NREP: variants seen among roughly 807,000 people sequenced by gnomAD.
NREP encodes the protein neuronal regeneration related protein, also known as neuronal regeneration-related protein.
Under a neutral mutation model 8.6 loss-of-function variants are expected in NREP, and 5 were observed. The observed-to-expected ratio is 0.58, with a 90% CI of 0.30 to 1.22. The LOEUF (loss-of-function observed/expected upper bound fraction) is 1.22. Among genes scored for constraint, NREP ranks in the 50% most tolerant of loss-of-function variants. NREP has a pLI of 0.07. For missense variants in NREP, 86 were observed against 82.5 expected, an observed-to-expected ratio of 1.04 and a Z score of -0.17; for synonymous variants, 27 against 28.0, an observed-to-expected ratio of 0.96 and a Z score of 0.11.
At chr5:111,752,384 G>A (rs1750417841) in intron 2 of NREP, among the ~76,000 whole-genome samples, 1 of 152,038 alleles carries the variant, frequency 6.6e-6, no homozygotes, top group African/African-American at 2.4e-5. Flanking sequence ...GGAAACTGTG[G>A]TGAAAAAGAC....
intron 2 of NREP, among the ~76,000 whole-genome samples, chr5:111,886,191 C>G (rs994341205): frequency 6.6e-6 from 1 of 152,184 alleles, no homozygotes; most frequent in African/African-American, 2.4e-5. Context: ...CAAAAGAAGA[C>G]ATTTATGCAG....
chr5:111,905,390 T>C (rs954941491), intron 2 of NREP, among the ~76,000 whole-genome samples: 3 of 152,154 alleles, frequency 2.0e-5, no homozygotes, highest in Middle Eastern at 3.2e-3. Flanking sequence ...CATCACCATT[T>C]TGGATTTTTT....
chr5:111,803,675 T>G (rs376330716), intron 2 of NREP, among the ~76,000 whole-genome samples: 2 of 152,222 alleles, frequency 1.3e-5, no homozygotes, highest in Non-Finnish European at 2.9e-5. Context: ...ATATTTAGCA[T>G]AATTGATAGT....
intron 2 of NREP, among the ~76,000 whole-genome samples, chr5:111,794,940 A>G (rs1213414975): frequency 6.6e-6 from 1 of 150,644 alleles, no homozygotes; most frequent in Non-Finnish European, 1.5e-5. Flanking sequence ...GTCAGGGGAT[A>G]TGTGAAAAAT....
At chr5:111,911,461 A>C (rs1754910067) in intron 2 of NREP, among the ~76,000 whole-genome samples, 1 of 152,064 alleles carries the variant, frequency 6.6e-6, no homozygotes, top group Non-Finnish European at 1.5e-5. Flanking sequence ...TATTATCTCT[A>C]CTTCCAATGC....
At chr5:111,967,077 A>C (rs79481793) in intron 2 of NREP, among the ~76,000 whole-genome samples, 329 of 152,284 alleles carry the variant, frequency 2.2e-3, no homozygotes, top group African/African-American at 7.4e-3. Flanking sequence ...TTTGTCATCT[A>C]TTGGGTAGAG....
chr5:111,759,411 TTCTTTCTTTC>T (rs1317266134), upstream of NREP, among the ~76,000 whole-genome samples: 2 of 143,468 alleles, frequency 1.4e-5, no homozygotes, highest in East Asian at 5.1e-4. Context: ...TTTTCTTTCT[TTCTTTCTTTC>T]TTTTTTTTTT....
In NREP at chr5:111,898,344, T is replaced by C. The variant is rs373752061; in HGVS notation, c.135+76930A>G. ...AAAGACTCTGACTATAATTTAGAGA[T>C]AGAGACGAGATTTTCTTACGTATTG... On this transcript the variant is annotated intron_variant, in intron 2 of 3. Coordinates refer to the NREP transcript ENST00000395634. 9.0e-4 allele frequency among the ~76,000 whole-genome samples: 137 copies of C among 152,274 alleles called. 3 individuals are homozygous for C. In the South Asian group the frequency reaches 0.028, roughly 31 times the overall value.
intron 2 of NREP, among the ~76,000 whole-genome samples, chr5:111,871,612 A>G (rs1187922145): frequency 1.3e-5 from 2 of 151,950 alleles, no homozygotes; most frequent in Non-Finnish European, 2.9e-5. Flanking sequence ...ACACAAACAC[A>G]TTTTACAGTT....
At chr5:111,769,829 C>T (rs1751176061) in intron 2 of NREP, among the ~76,000 whole-genome samples, 1 of 152,122 alleles carries the variant, frequency 6.6e-6, no homozygotes, top group Admixed American at 6.6e-5. Context: ...AGGGGGAAAC[C>T]TACTTCCATG....
At chr5:111,878,429 A>G (rs2112508687) in intron 2 of NREP, among the ~76,000 whole-genome samples, 1 of 152,232 alleles carries the variant, frequency 6.6e-6, no homozygotes, top group Admixed American at 6.5e-5. Context: ...TAAAACCATC[A>G]TACCTCATGA....
At chr5:111,916,540 G>A (rs145501387) in intron 2 of NREP, among the ~76,000 whole-genome samples, 13 of 152,120 alleles carry the variant, frequency 8.5e-5, no homozygotes, top group Admixed American at 3.3e-4. Flanking sequence ...GATTGTATCC[G>A]ACTGTTTAAA....
chr5:111,777,048 AGGAG>A (rs1751381431), intron 2 of NREP, among the ~76,000 whole-genome samples: 1 of 151,674 alleles, frequency 6.6e-6, no homozygotes, highest in Admixed American at 6.6e-5. Context: ...GAGGAGGAGG[AGGAG>A]GAAGAAGAGG....
At chr5:111,876,879 G>A (rs1363865178) in intron 2 of NREP, among the ~76,000 whole-genome samples, 3 of 152,100 alleles carry the variant, frequency 2.0e-5, no homozygotes, top group Admixed American at 2.0e-4. Context: ...AGAAATTGGG[G>A]CACAGAAAAG....
intron 2 of NREP, among the ~76,000 whole-genome samples, chr5:111,962,781 A>G (rs916901918): frequency 6.6e-6 from 1 of 152,228 alleles, no homozygotes; most frequent in African/African-American, 2.4e-5. Flanking sequence ...CTGGAAAGAG[A>G]TAACTTGACT....
At chr5:111,962,805 T>C (rs1199691921) in intron 2 of NREP, among the ~76,000 whole-genome samples, 1 of 152,170 alleles carries the variant, frequency 6.6e-6, no homozygotes, top group Admixed American at 6.5e-5. Flanking sequence ...GAGGGACTGC[T>C]GGACTTTGGA....
chr5:111,747,313 T>G lies in NREP; in HGVS notation c.3+8457A>C, dbSNP rs549942081. Among the ~76,000 whole-genome samples the G allele has an allele frequency of 6.6e-5, 10 of 152,284 alleles. No individual in the cohort carries two copies. In the South Asian group the frequency reaches 8.3e-4, roughly 13 times the overall value. ...ATAAGTTATATATCAGACACCAACTTTATCCAATGAAAGCGTCCTCAGGAT... is the reference window on the plus strand; with the variant it reads ...ATAAGTTATATATCAGACACCAACTGTATCCAATGAAAGCGTCCTCAGGAT... On this transcript the variant is annotated intron_variant, in intron 2 of 3. Transcript: ENST00000257435.
chr5:111,816,274 C>A (rs1752383398), intron 2 of NREP, among the ~76,000 whole-genome samples: 1 of 151,986 alleles, frequency 6.6e-6, no homozygotes, highest in Non-Finnish European at 1.5e-5. Flanking sequence ...ATTTCTTCTA[C>A]CAACAGGAAA....
intron 2 of NREP, among the ~76,000 whole-genome samples, chr5:111,855,020 T>A (rs1321498861): frequency 2.0e-5 from 3 of 152,224 alleles, no homozygotes; most frequent in Non-Finnish European, 4.4e-5. Context: ...GATTTTTTTT[T>A]ATTAATATGA....
Sources: gnomAD v4.1 joint callset for allele counts (sites outside exome capture counted in the v4.1 genomes callset) on GRCh38, gnomAD v4.1.1 for gene constraint, MANE v1.5 for transcripts, NCBI Gene and HGNC (gene_info 2026-07-23, HGNC 2026-07-21) for gene names.